The following SLC2A12 variants were observed in gnomAD, a reference collection of about 807,000 sequenced individuals.
SLC2A12 encodes solute carrier family 2, facilitated glucose transporter member 12.
A neutral mutation model predicts 41.8 loss-of-function variants in SLC2A12; 23 were observed. The observed-to-expected ratio is 0.55, with a 90% CI of 0.40 to 0.78. The LOEUF is 0.78. Ranked by LOEUF, SLC2A12 falls within the 30% of genes least tolerant of loss-of-function variation. The pLI, the probability that SLC2A12 is intolerant of heterozygous loss-of-function variation, is 0.00. For missense variants in SLC2A12, 654 were observed against 745.6 expected (o/e 0.88, Z 1.43); for synonymous variants, 295 against 285.9 (o/e 1.03, Z -0.32).
chr6:134,031,179 G>A (rs188334353), intron 1 of SLC2A12, among the ~76,000 whole-genome samples: 125 of 152,180 alleles, frequency 8.2e-4, no homozygotes, highest in Non-Finnish European at 1.3e-3. Flanking sequence ...ATCTCCTGAG[G>A]TCAGGTGTTC....
Position 134,029,554 on chromosome 6 carries a change from G to A in SLC2A12, c.271C>T (p.Leu91Phe), listed in dbSNP as rs772132939. ...MVVSSLVIGA[L>F]LASLTGGVLI... ...ACCCCTCCGGTGAGTGAGGCAAGGA[G>A]GGCTCCAATGACGAGGGAGCTCACA... The change falls in exon 2 of 5, where the codon CTC becomes TTC. Residue 91 changes from leucine to phenylalanine, a missense_variant. This residue lies in a region of SLC2A12 where 109 missense variants were observed against 153.0 expected (regional missense o/e 0.71). Coordinates refer to ENST00000275230, the MANE Select transcript of SLC2A12 (RefSeq NM_145176.3). The A allele has an allele frequency of 5.6e-6, 9 of 1,614,044 alleles. No homozygotes were observed. The highest frequency in any genetic ancestry group is 5.0e-5 in the Admixed American group (3 of 59,996).
intron 4 of SLC2A12, among the ~76,000 whole-genome samples, chr6:133,994,613 A>G (rs1409112016): frequency 6.6e-6 from 1 of 152,148 alleles, no homozygotes; most frequent in Non-Finnish European, 1.5e-5. Context: ...CTGTAGTCCC[A>G]GCTACTCGGG....
intron 1 of SLC2A12, among the ~76,000 whole-genome samples, chr6:134,032,426 T>TTA (rs1210191475): frequency 0.059 from 2,081 of 35,344 alleles, 43 homozygotes; most frequent in African/African-American, 0.14. Flanking sequence ...ATATATATAT[T>TTA]TATATATATA....
intron 1 of SLC2A12, among the ~76,000 whole-genome samples, chr6:134,051,392 T>C (rs17063308): frequency 0.087 from 13,244 of 152,224 alleles, 1,481 homozygotes; most frequent in African/African-American, 0.26. Flanking sequence ...ATTAGGACCA[T>C]TCCCAAGAGA....
At chr6:134,050,891 G>T (rs1773672982) in intron 1 of SLC2A12, among the ~76,000 whole-genome samples, 1 of 151,934 alleles carries the variant, frequency 6.6e-6, no homozygotes, top group Admixed American at 6.6e-5. Context: ...GAGAGGACAG[G>T]CCATATTGAA....
At chr6:134,039,029 A>G (rs941346783) in intron 1 of SLC2A12, among the ~76,000 whole-genome samples, 1 of 151,990 alleles carries the variant, frequency 6.6e-6, no homozygotes, top group African/African-American at 2.4e-5. Context: ...CTTCAATTCA[A>G]AACTTTCATC....
chr6:134,034,665 C>A (rs1777268082), intron 1 of SLC2A12, among the ~76,000 whole-genome samples: 1 of 152,136 alleles, frequency 6.6e-6, no homozygotes, highest in African/African-American at 2.4e-5. Flanking sequence ...AGCAAGAGAT[C>A]AGAATGTGGG....
chr6:134,011,086 G>A (rs1776876071), intron 2 of SLC2A12, among the ~76,000 whole-genome samples: 1 of 151,746 alleles, frequency 6.6e-6, no homozygotes, highest in African/African-American at 2.4e-5. Flanking sequence ...CAATTTGGAG[G>A]AAGCTCTACA....
chr6:133,992,610 G>C (rs1776638276), intron 4 of SLC2A12, among the ~76,000 whole-genome samples: 1 of 152,142 alleles, frequency 6.6e-6, no homozygotes, highest in Non-Finnish European at 1.5e-5. Context: ...GAGTTGACTT[G>C]GTCAGAGTTA....
intron 2 of SLC2A12, among the ~76,000 whole-genome samples, chr6:134,024,356 A>G (rs1777085870): frequency 6.6e-6 from 1 of 152,254 alleles, no homozygotes; most frequent in South Asian, 2.1e-4. Context: ...GAAGGCCACC[A>G]CCAGATGCCA....
At chr6:133,994,878 C>G (rs547279782) in intron 4 of SLC2A12, among the ~76,000 whole-genome samples, 1 of 152,192 alleles carries the variant, frequency 6.6e-6, no homozygotes, top group East Asian at 1.9e-4. Flanking sequence ...GGGGACGGGT[C>G]GCAGAAGGAT....
chr6:134,013,331 TTTAAA>T (rs1221859113), intron 2 of SLC2A12, among the ~76,000 whole-genome samples: 5 of 152,088 alleles, frequency 3.3e-5, no homozygotes, highest in Admixed American at 3.3e-4. Context: ...AAAATATGAC[TTTAAA>T]TTGAAATTTT....
Position 133,991,991 on chromosome 6 carries a change from GGACA to G in SLC2A12, c.1701-687_1701-684del, listed in dbSNP as rs1776629665. ...AAAAAGGGTTTAGTTGGGTGGGAGA[GGACA>G]GACTGTATTATACAGGTGGCATCTC... On this transcript the variant is annotated intron_variant, in intron 4 of 4. Transcript: ENST00000275230. Among the ~76,000 whole-genome samples, 7 of 152,180 alleles carry G rather than the reference GGACA, an allele frequency of 4.6e-5. No individual in the cohort carries two copies. In the South Asian group the frequency reaches 1.5e-3, roughly 32 times the overall value.
intron 2 of SLC2A12, among the ~76,000 whole-genome samples, chr6:134,026,643 A>G (rs541629247): frequency 1.2e-4 from 18 of 152,316 alleles, no homozygotes; most frequent in African/African-American, 4.1e-4. Flanking sequence ...TTAAGTCTTA[A>G]AAAGCAGGTT....
At chr6:134,030,847 G>T (rs1194952167) in intron 1 of SLC2A12, among the ~76,000 whole-genome samples, 1 of 152,228 alleles carries the variant, frequency 6.6e-6, no homozygotes, top group Non-Finnish European at 1.5e-5. Flanking sequence ...TGTGTTCCAA[G>T]TATAATGGAG....
chr6:134,034,157 TC>T (rs1777261228), intron 1 of SLC2A12, among the ~76,000 whole-genome samples: 1 of 152,190 alleles, frequency 6.6e-6, no homozygotes, highest in African/African-American at 2.4e-5. Flanking sequence ...TTTCTTGCTA[TC>T]CATCTTTCTA....
chr6:133,992,217 A>G (rs757638940), intron 4 of SLC2A12, among the ~76,000 whole-genome samples: 13 of 152,188 alleles, frequency 8.5e-5, no homozygotes, highest in Admixed American at 1.3e-4. Flanking sequence ...AGGAGGGGGA[A>G]ATTGATGCAG....
At chr6:134,049,224 C>T (rs944401278) in intron 1 of SLC2A12, among the ~76,000 whole-genome samples, 3 of 152,184 alleles carry the variant, frequency 2.0e-5, no homozygotes, top group African/African-American at 4.8e-5. Context: ...CAGCTGAGTT[C>T]GTGAGTCCCG....
At chr6:133,996,950 A>T (rs1776702610) in intron 4 of SLC2A12, among the ~76,000 whole-genome samples, 1 of 152,082 alleles carries the variant, frequency 6.6e-6, no homozygotes, top group African/African-American at 2.4e-5. Flanking sequence ...CTGTTGGTTC[A>T]GCTCAGAAAA....
Sources: gnomAD v4.1 joint callset for allele counts (sites outside exome capture counted in the v4.1 genomes callset) on GRCh38, gnomAD v4.1.1 for gene constraint, gnomAD v4.1.1 regional missense constraint, MANE v1.5 for transcripts, NCBI Gene and HGNC (gene_info 2026-07-23, HGNC 2026-07-21) for gene names.